RBMS3: variants seen among roughly 807,000 people sequenced by gnomAD.
RBMS3 encodes the protein RNA-binding motif, single-stranded-interacting protein 3.
Under a neutral mutation model 66.8 loss-of-function variants are expected in RBMS3, and 27 were observed. The observed-to-expected ratio is 0.40, with a 90% CI of 0.30 to 0.56. The LOEUF is 0.56. RBMS3 is among the 20% of genes least tolerant of loss of function. The probability of loss-of-function intolerance (pLI) is 0.40; values close to 1 mark genes in which losing one functional copy is unlikely to be tolerated. For synonymous variants in RBMS3, 188 were observed against 183.0 expected (o/e 1.03, Z -0.22); for missense variants, 513 against 549.5 (o/e 0.93, Z 0.66).
chr3:29,817,096 A>G (rs566706870), intron 6 of RBMS3, among the ~76,000 whole-genome samples: 33 of 152,314 alleles, frequency 2.2e-4, no homozygotes, highest in Non-Finnish European at 4.7e-4. Flanking sequence ...GTCTCAAAAA[A>G]TAAATAAGGA....
chr3:29,613,868 A>G (rs2048570622), intron 4 of RBMS3, among the ~76,000 whole-genome samples: 1 of 152,254 alleles, frequency 6.6e-6, no homozygotes. Flanking sequence ...AACCCTGTAC[A>G]CTACTGGTAG....
At chr3:29,918,133 T>C (rs547204805) in intron 10 of RBMS3, among the ~76,000 whole-genome samples, 1 of 152,280 alleles carries the variant, frequency 6.6e-6, no homozygotes, top group South Asian at 2.1e-4. Context: ...ACCAACTCTA[T>C]TTCATTATAT....
chr3:29,998,320 C>G (rs527238754), intron 14 of RBMS3, among the ~76,000 whole-genome samples: 6 of 152,240 alleles, frequency 3.9e-5, no homozygotes, highest in Non-Finnish European at 8.8e-5. Flanking sequence ...GAATCAATAT[C>G]GTGAAATTGG....
intron 6 of RBMS3, among the ~76,000 whole-genome samples, chr3:29,798,301 G>A (rs1473494615): frequency 3.0e-5 from 3 of 99,876 alleles, no homozygotes. Context: ...GAAGGGAAGG[G>A]AGGGGAAGGG....
intron 6 of RBMS3, among the ~76,000 whole-genome samples, chr3:29,827,063 A>T (rs558095139): frequency 6.6e-6 from 1 of 152,256 alleles, no homozygotes; most frequent in East Asian, 1.9e-4. Context: ...ATAGCTACCT[A>T]CATTCCAGCA....
intron 6 of RBMS3, among the ~76,000 whole-genome samples, chr3:29,857,776 C>T (rs949355639): frequency 6.6e-6 from 1 of 151,974 alleles, no homozygotes; most frequent in African/African-American, 2.4e-5. Context: ...CAGACGAGAT[C>T]GGGCGCGTTC....
rs144200340 is a variant in RBMS3, at chr3:29,666,056, A to G, written c.400-73664A>G. Among the ~76,000 whole-genome samples, 887 of 152,206 alleles carry G rather than the reference A, an allele frequency of 5.8e-3. 3 individuals carry two copies. The highest frequency in any genetic ancestry group is 9.7e-3 in the Non-Finnish European group (658 of 68,002). On this transcript the variant is annotated intron_variant, in intron 4 of 14. Coordinates refer to ENST00000383767, the MANE Select transcript of RBMS3 (RefSeq NM_001003793.3). Reference sequence around the variant, plus strand: ...GTTCTCTGCTGTCTGAAAATTTCCAAGGCACGTTGTCATATAAGAGCCCGT... The same window carrying G: ...GTTCTCTGCTGTCTGAAAATTTCCAGGGCACGTTGTCATATAAGAGCCCGT...
chr3:29,923,486 T>C (rs772149624), intron 10 of RBMS3, among the ~76,000 whole-genome samples: 7 of 152,188 alleles, frequency 4.6e-5, no homozygotes, highest in Non-Finnish European at 8.8e-5. Context: ...TGCTCTTGCA[T>C]GAAATAAAGC....
chr3:29,607,560 A>G (rs2048355177), intron 4 of RBMS3, among the ~76,000 whole-genome samples: 1 of 152,034 alleles, frequency 6.6e-6, no homozygotes, highest in African/African-American at 2.4e-5. Flanking sequence ...CTATTTCAAA[A>G]TAAGCATTTT....
intron 1 of RBMS3, among the ~76,000 whole-genome samples, chr3:29,305,619 C>A (rs1161181998): frequency 1.3e-5 from 2 of 151,932 alleles, no homozygotes; most frequent in East Asian, 3.9e-4. Flanking sequence ...ATACTGTAGC[C>A]AGGGTGACAT....
intron 6 of RBMS3, among the ~76,000 whole-genome samples, chr3:29,819,413 A>T (rs773406734): frequency 2.0e-5 from 3 of 152,214 alleles, no homozygotes; most frequent in Non-Finnish European, 4.4e-5. Context: ...AACAGATAAC[A>T]GACCAGATTT....
At position 29,355,397 on chromosome 3, in the gene RBMS3, T is replaced by G. The variant is rs572948181; in HGVS notation, c.75+73641T>G. 3.9e-5 allele frequency among the ~76,000 whole-genome samples: 6 copies of G among 152,264 alleles called. No homozygotes were observed. In the East Asian group the frequency reaches 1.2e-3, roughly 29 times the overall value. ...AAAAACAACACCATATTTTTCTAAC[T>G]TATGCCTCATCTGGCTTACTGCTTA... On this transcript the variant is annotated intron_variant, in intron 1 of 14. Coordinates refer to ENST00000383767, the MANE Select transcript of RBMS3 (RefSeq NM_001003793.3).
At chr3:29,858,400 T>G (rs1390423687) in intron 6 of RBMS3, among the ~76,000 whole-genome samples, 2 of 152,188 alleles carry the variant, frequency 1.3e-5, no homozygotes, top group Non-Finnish European at 2.9e-5. Context: ...GAGGGAGGAA[T>G]GAGGCAGGAT....
intron 10 of RBMS3, among the ~76,000 whole-genome samples, chr3:29,922,254 G>A (rs1577153461): frequency 2.0e-5 from 3 of 152,094 alleles, no homozygotes; most frequent in East Asian, 3.9e-4. Context: ...TTGGGAGGCC[G>A]AGGCGGGTGG....
At chr3:29,819,358 A>G (rs1413475471) in intron 6 of RBMS3, among the ~76,000 whole-genome samples, 1 of 152,238 alleles carries the variant, frequency 6.6e-6, no homozygotes, top group Non-Finnish European at 1.5e-5. Flanking sequence ...AACAAGGTGT[A>G]AATAAATAGA....
intron 10 of RBMS3, among the ~76,000 whole-genome samples, chr3:29,900,243 C>A (rs7651691): frequency 0.075 from 11,351 of 151,612 alleles, 428 homozygotes; most frequent in African/African-American, 0.096. Context: ...TGACTTGAAG[C>A]AATATATTTC....
intron 6 of RBMS3, among the ~76,000 whole-genome samples, chr3:29,825,041 CT>C (rs199929851): frequency 0.099 from 13,915 of 140,214 alleles, 627 homozygotes; most frequent in East Asian, 0.16. Context: ...TATCATCATT[CT>C]TTTTTTTTTT....
At chr3:29,731,764 A>G (rs548779221) in intron 4 of RBMS3, among the ~76,000 whole-genome samples, 1 of 152,232 alleles carries the variant, frequency 6.6e-6, no homozygotes, top group African/African-American at 2.4e-5. Flanking sequence ...AACACATTGT[A>G]TTAGTCAGGG....
At chr3:29,790,598 A>T (rs1466186898) in intron 6 of RBMS3, among the ~76,000 whole-genome samples, 1 of 152,158 alleles carries the variant, frequency 6.6e-6, no homozygotes, top group South Asian at 2.1e-4. Flanking sequence ...GAGATTCTCT[A>T]AAATGACCCA....
Sources: gnomAD v4.1 joint callset for allele counts (sites outside exome capture counted in the v4.1 genomes callset) on GRCh38, gnomAD v4.1.1 for gene constraint, MANE v1.5 for transcripts, NCBI Gene and HGNC (gene_info 2026-07-23, HGNC 2026-07-21) for gene names.